Variants in PCDHGA5 observed in about 807,000 individuals in gnomAD.
PCDHGA5 encodes protocadherin gamma subfamily A, 5.
PCDHGA5 carries 36 observed loss-of-function variants against 56.7 expected under a neutral mutation model. That is an observed-to-expected ratio of 0.64 (90% CI 0.49 to 0.84). The LOEUF is 0.84. Among genes scored for constraint, PCDHGA5 ranks in the 40% least tolerant of loss-of-function variants. The pLI, the probability that PCDHGA5 is intolerant of heterozygous loss-of-function variation, is 0.00. For synonymous variants in PCDHGA5, 563 were observed against 520.2 expected, an observed-to-expected ratio of 1.08 and a Z score of -1.12; for missense variants, 1,305 against 1,201.5, an observed-to-expected ratio of 1.09 and a Z score of -1.27.
chr5:141,383,368 G>C, intron 1 of PCDHGA5: 1 of 1,614,014 alleles, frequency 6.2e-7, no homozygotes, highest in Middle Eastern at 1.6e-4. Context: ...GTTAAGCGAG[G>C]CTGGGGATCC....
rs2099170089 is a variant in PCDHGA5, at chr5:141,468,602, C to T, written c.2422-26205C>T. On this transcript the variant is annotated intron_variant, in intron 1 of 3. Coordinates refer to ENST00000518069, the MANE Select transcript of PCDHGA5 (RefSeq NM_018918.3). ...GTACTAAAGGCTGGGCGCGGTGGCT[C>T]ACGCCTGTAATCCCAGCACTTTGGG... The T allele has an allele frequency of 2.6e-5, 4 of 152,284 alleles. No individual in the cohort carries two copies. The South Asian group carries it at 8.3e-4, about 32-fold the overall frequency. 9.4% of individuals were successfully genotyped at this position (152,284 alleles called of 1,614,324 possible).
At chr5:141,403,877 T>A in intron 1 of PCDHGA5, 1 of 1,613,796 alleles carries the variant, frequency 6.2e-7, no homozygotes, top group Non-Finnish European at 8.5e-7. Context: ...AAGTCTAGAT[T>A]ATGAAGAATG....
intron 2 of PCDHGA5, among the ~76,000 whole-genome samples, chr5:141,502,576 T>C (rs1226513508): frequency 6.6e-6 from 1 of 152,168 alleles, no homozygotes; most frequent in African/African-American, 2.4e-5. Flanking sequence ...ATTATAAAAA[T>C]ATATTTTTAT....
In PCDHGA5 at chr5:141,486,858, C is replaced by T. The variant is rs2099636039; in HGVS notation, c.2422-7949C>T. The T allele has an allele frequency of 2.5e-6, 4 of 1,614,246 alleles. No homozygotes were observed. The highest frequency in any genetic ancestry group is 1.1e-5 in the South Asian group (1 of 91,088). On this transcript the variant is annotated intron_variant, in intron 1 of 3. Transcript: ENST00000518069. The surrounding 1 kb of genome is among the most constrained non-coding windows in gnomAD (Gnocchi z 5.0). ...TTTGTGCTGGACCTCAATGACAATGCTCCAGCTGTGCTCCGTCCTCGGGCC... is the reference window on the plus strand; with the variant it reads ...TTTGTGCTGGACCTCAATGACAATGTTCCAGCTGTGCTCCGTCCTCGGGCC...
At chr5:141,393,314 C>T (rs2150518180) in intron 1 of PCDHGA5, 1 of 1,613,076 alleles carries the variant, frequency 6.2e-7, no homozygotes, top group Non-Finnish European at 8.5e-7. Flanking sequence ...TGAACTCCCT[C>T]CAGAGCTACC....
Position 141,477,686 on chromosome 5 carries a change from C to T in PCDHGA5, c.2422-17121C>T, listed in dbSNP as rs201090822. Reference sequence around the variant, plus strand: ...CAATGGCATAGTGTCATCCTTAGTGCCCCTAGACTATGAGGATCGGCGGGA... The same window carrying T: ...CAATGGCATAGTGTCATCCTTAGTGTCCCTAGACTATGAGGATCGGCGGGA... On this transcript the variant is annotated intron_variant, in intron 1 of 3. Coordinates refer to ENST00000518069, the MANE Select transcript of PCDHGA5 (RefSeq NM_018918.3). This position sits in a 1 kb window ranked among gnomAD's most constrained non-coding sequence, Gnocchi z 4.9. The T allele has an allele frequency of 4.3e-6, 7 of 1,614,024 alleles. No homozygotes were observed. The highest frequency in any genetic ancestry group is 1.6e-4 in the Middle Eastern group (1 of 6,084).
chr5:141,414,007 A>G (rs1047239460), intron 1 of PCDHGA5: 2 of 1,613,292 alleles, frequency 1.2e-6, no homozygotes, highest in Non-Finnish European at 1.7e-6. Flanking sequence ...CGAAGGTGCC[A>G]ATGGAGAAGT....
chr5:141,389,430 C>T (rs2091763189), intron 1 of PCDHGA5: 1 of 1,610,546 alleles, frequency 6.2e-7, no homozygotes, highest in Non-Finnish European at 8.5e-7. Context: ...GTTCGCGCAG[C>T]GCGCCTTCGA....
At position 141,366,048 on chromosome 5, in the gene PCDHGA5, C is replaced by A. The variant is rs777611384; in HGVS notation, c.1718C>A (p.Thr573Lys). 1.2e-6 allele frequency: 2 copies of A among 1,614,144 alleles called. No individual in the cohort carries two copies. The highest frequency in any genetic ancestry group is 1.7e-6 in the Non-Finnish European group (2 of 1,180,056). ...LYPALPTDGS[T>K]GVELAPRSAE... ...CCCGCCCTCCCCACAGACGGTTCCA[C>A]GGGCGTGGAGCTGGCGCCTCGCTCC... The change falls in exon 1 of 4, where the codon ACG (threonine) becomes AAG (lysine). Residue 573 changes from threonine to lysine, a missense_variant. Coordinates refer to ENST00000518069, the MANE Select transcript of PCDHGA5 (RefSeq NM_018918.3).
At chr5:141,407,032 CAT>C (rs2094880022) in intron 1 of PCDHGA5, among the ~76,000 whole-genome samples, 1 of 152,174 alleles carries the variant, frequency 6.6e-6, no homozygotes, top group African/African-American at 2.4e-5. Flanking sequence ...CTATGCTAAA[CAT>C]GTGATCCATA....
chr5:141,390,518 T>G (rs1045172175), intron 1 of PCDHGA5: 1 of 570,806 alleles, frequency 1.8e-6, no homozygotes, highest in Non-Finnish European at 3.0e-6. Flanking sequence ...TATAAAGCAA[T>G]GAGGGTGTGG....
rs1342408505 is a variant in PCDHGA5 at position 141,409,977 on chromosome 5, T to C, written c.2421+43226T>C. The C allele has an allele frequency of 1.2e-6, 2 of 1,613,300 alleles. No individual in the cohort carries two copies. Among genetic ancestry groups the C allele is most frequent in the African/African-American group, 2.7e-5 (2 of 75,026 alleles). ...CCCGGCTACCTAGTGACTAAGGTGGTAGCGGTGGACGCCGACTCGGGACAC... is the reference window on the plus strand; with the variant it reads ...CCCGGCTACCTAGTGACTAAGGTGGCAGCGGTGGACGCCGACTCGGGACAC... On this transcript the variant is annotated intron_variant, in intron 1 of 3. Transcript: ENST00000518069.
At chr5:141,508,408 C>T (rs938019804) in intron 3 of PCDHGA5, 1 of 152,180 alleles carries the variant, frequency 6.6e-6, no homozygotes, top group Non-Finnish European at 1.5e-5. Context: ...GCTTGAGCCA[C>T]GCAGAGACTT....
At position 141,381,798 on chromosome 5, in the gene PCDHGA5, C is replaced by CTCTT. The variant is rs372235829; in HGVS notation, c.2421+15068_2421+15071dup. ...ATCAGGAACAAGGCAAGGCAATTCC[C>CTCTT]TCTTTCTTTCTTTCTTTCTTTCTTC... is the stretch of plus-strand genomic sequence containing the variant. On this transcript the variant is annotated intron_variant, in intron 1 of 3. Coordinates refer to ENST00000518069, the MANE Select transcript of PCDHGA5 (RefSeq NM_018918.3). Among the ~76,000 whole-genome samples, 697 of 144,002 alleles carry CTCTT rather than the reference C, an allele frequency of 4.8e-3. 9 individuals carry two copies. The highest frequency in any genetic ancestry group is 9.2e-3 in the South Asian group (42 of 4,556). 94.5% of individuals were successfully genotyped at this position (144,002 alleles called of 152,430 possible).
At position 141,491,154 on chromosome 5, in the gene PCDHGA5, C is replaced by T. The variant is rs773308291; in HGVS notation, c.2422-3653C>T. ...CAGCCCGGGCCTTACTGGAGGATGACTCTGACACCCAGCAGGTGGTGGTCC... is the reference window on the plus strand; with the variant it reads ...CAGCCCGGGCCTTACTGGAGGATGATTCTGACACCCAGCAGGTGGTGGTCC... On this transcript the variant is annotated intron_variant, in intron 1 of 3. Coordinates refer to ENST00000518069, the MANE Select transcript of PCDHGA5 (RefSeq NM_018918.3). The surrounding 1 kb of genome is among the most constrained non-coding windows in gnomAD (Gnocchi z 6.9). The T allele has an allele frequency of 6.2e-7, 1 of 1,614,162 alleles. No homozygotes were observed. The highest frequency in any genetic ancestry group is 1.7e-5 in the Admixed American group (1 of 60,026).
chr5:141,365,053 G>C lies in PCDHGA5; in HGVS notation c.723G>C (p.Leu241=), dbSNP rs1588608159. ...TVLDANDNAP[L]FTPSEYSVSV... ...TCGACGCAAACGACAATGCGCCCCT[G>C]TTCACCCCATCCGAGTACAGCGTGA... Residue 241 remains leucine, a synonymous_variant, in exon 1 of 4, where the codon CTG becomes CTC. Transcript: ENST00000518069. 10 of 1,613,802 alleles carry C rather than the reference G, an allele frequency of 6.2e-6. No individual in the cohort carries two copies. The highest frequency in any genetic ancestry group is 8.5e-6 in the Non-Finnish European group (10 of 1,179,904).
intron 1 of PCDHGA5, chr5:141,402,901 T>C: frequency 1.3e-6 from 2 of 1,520,230 alleles, no homozygotes; most frequent in Non-Finnish European, 1.8e-6. Flanking sequence ...AAGAACCTGA[T>C]GAAGCAGCGC....
chr5:141,381,826 C>CTTTTTTTTTTTTTTTTTTTTTTTTTTTTT (rs770630741), intron 1 of PCDHGA5, among the ~76,000 whole-genome samples: 16 of 74,292 alleles, frequency 2.2e-4, no homozygotes, highest in Admixed American at 5.8e-4. Context: ...CTTTCTTCTT[C>CTTTTTTTTTTTTTTTTTTTTTTTTTTTTT]TTTTTTTTTT....
chr5:141,428,406 C>T (rs908202809), intron 1 of PCDHGA5: 1 of 473,274 alleles, frequency 2.1e-6, no homozygotes, highest in Non-Finnish European at 3.9e-6. Context: ...CCTGGGGTTG[C>T]TTTCACCCTG....
Sources: gnomAD v4.1 joint callset for allele counts (sites outside exome capture counted in the v4.1 genomes callset) on GRCh38, gnomAD v4.1.1 for gene constraint, Gnocchi (gnomAD v3.1) non-coding constraint, MANE v1.5 for transcripts, NCBI Gene and HGNC (gene_info 2026-07-23, HGNC 2026-07-21) for gene names.